FAM227B: variants seen among roughly 807,000 people sequenced by gnomAD.
FAM227B encodes the protein family with sequence similarity 227 member B.
In FAM227B, 88 loss-of-function variants were observed where a neutral mutation model predicts 73.8. The ratio of observed to expected loss-of-function variants is 1.19; its 90% CI spans 1.00 to 1.42. FAM227B has a LOEUF of 1.42. Among genes scored for constraint, FAM227B ranks in the 40% most tolerant of loss-of-function variants. The probability of loss-of-function intolerance (pLI) is 0.00; values close to 1 mark genes in which losing one functional copy is unlikely to be tolerated. For missense variants in FAM227B, 632 were observed against 590.9 expected, an observed-to-expected ratio of 1.07 and a Z score of -0.72; for synonymous variants, 210 against 190.5, an observed-to-expected ratio of 1.10 and a Z score of -0.84.
chr15:49,376,349 C>A (rs1223274236), intron 11 of FAM227B, among the ~76,000 whole-genome samples: 2 of 151,934 alleles, frequency 1.3e-5, no homozygotes, highest in Admixed American at 1.3e-4. Flanking sequence ...GTGAATACCC[C>A]AGTTGTCACA....
At chr15:49,399,846 A>G (rs2047996493) in intron 11 of FAM227B, among the ~76,000 whole-genome samples, 1 of 100,996 alleles carries the variant, frequency 9.9e-6, no homozygotes, top group African/African-American at 3.3e-5. Flanking sequence ...GATGGGACGT[A>G]TTTCAAAATA....
At chr15:49,347,273 G>T (rs1221359799) in intron 13 of FAM227B, among the ~76,000 whole-genome samples, 1 of 152,106 alleles carries the variant, frequency 6.6e-6, no homozygotes, top group Non-Finnish European at 1.5e-5. Flanking sequence ...TTGCCCTTAA[G>T]AAATTAGTAA....
At chr15:49,533,293 A>T (rs2060754583) in intron 10 of FAM227B, among the ~76,000 whole-genome samples, 1 of 151,984 alleles carries the variant, frequency 6.6e-6, no homozygotes, top group African/African-American at 2.4e-5. Context: ...GTGGCCCAAC[A>T]TATGATCTAT....
At chr15:49,543,417 C>T (rs997154780) in intron 9 of FAM227B, among the ~76,000 whole-genome samples, 9 of 152,066 alleles carry the variant, frequency 5.9e-5, no homozygotes, top group African/African-American at 2.2e-4. Context: ...AGTCCTTTGT[C>T]GGATGCATAG....
intron 11 of FAM227B, among the ~76,000 whole-genome samples, chr15:49,422,180 GCA>G (rs1277992181): frequency 3.9e-4 from 51 of 131,346 alleles, no homozygotes; most frequent in Middle Eastern, 4.4e-3. Context: ...GCGCGCGCGT[GCA>G]CGCGTGTGTG....
chr15:49,516,243 T>TC (rs1381864654), intron 10 of FAM227B, among the ~76,000 whole-genome samples: 1 of 152,152 alleles, frequency 6.6e-6, no homozygotes, highest in Non-Finnish European at 1.5e-5. Context: ...TGTCACACTA[T>TC]CCCTAAGCTT....
chr15:49,431,792 GT>G (rs1435081832), intron 11 of FAM227B, among the ~76,000 whole-genome samples: 1 of 151,692 alleles, frequency 6.6e-6, no homozygotes, highest in Non-Finnish European at 1.5e-5. Flanking sequence ...ATGAAGCAAA[GT>G]TTCTCATAAA....
At chr15:49,423,123 T>A (rs2049829396) in intron 11 of FAM227B, 1 of 162,660 alleles carries the variant, frequency 6.1e-6, no homozygotes, top group African/African-American at 2.4e-5. Flanking sequence ...CATTGAATAC[T>A]ATACAAGCCT....
At chr15:49,381,123 A>G (rs766272116) in intron 11 of FAM227B, among the ~76,000 whole-genome samples, 1 of 152,154 alleles carries the variant, frequency 6.6e-6, no homozygotes, top group African/African-American at 2.4e-5. Context: ...ACAGGAACTC[A>G]GAGCAACAGC....
rs147090867 is a variant in FAM227B at position 49,506,767 on chromosome 15, A to T, written c.1012+1444T>A. ...TTAGAAAATTTTTAATTAAGTGATA[A>T]AATACAACATATCTAAATACAACAC... is the stretch of plus-strand genomic sequence containing the variant. On this transcript the variant is annotated intron_variant, in intron 11 of 15. Transcript: ENST00000299338. 8.5e-4 allele frequency among the ~76,000 whole-genome samples: 129 copies of T among 152,186 alleles called. 2 individuals carry two copies. The East Asian group carries it at 0.022, about 26-fold the overall frequency.
intron 10 of FAM227B, among the ~76,000 whole-genome samples, chr15:49,510,126 T>G (rs2058878212): frequency 1.3e-5 from 2 of 152,134 alleles, no homozygotes; most frequent in South Asian, 2.1e-4. Flanking sequence ...GGCATTCTAT[T>G]GACGTCCAAC....
chr15:49,426,001 TATC>T (rs939039642), intron 11 of FAM227B, among the ~76,000 whole-genome samples: 1 of 151,512 alleles, frequency 6.6e-6, no homozygotes, highest in African/African-American at 2.4e-5. Flanking sequence ...TCATGGATAA[TATC>T]ATGGATATAA....
At chr15:49,559,689 C>A (rs1254190549) in intron 9 of FAM227B, among the ~76,000 whole-genome samples, 1 of 152,020 alleles carries the variant, frequency 6.6e-6, no homozygotes, top group Non-Finnish European at 1.5e-5. Flanking sequence ...GTAATCCCAG[C>A]ACTTTGGGAG....
chr15:49,599,689 G>A (rs1396161799), intron 3 of FAM227B, among the ~76,000 whole-genome samples: 1 of 151,916 alleles, frequency 6.6e-6, no homozygotes, highest in Non-Finnish European at 1.5e-5. Flanking sequence ...TGACCTACTG[G>A]CTATTCAAGA....
chr15:49,351,899 T>C (rs2042308931), intron 13 of FAM227B, among the ~76,000 whole-genome samples: 1 of 152,200 alleles, frequency 6.6e-6, no homozygotes, highest in Non-Finnish European at 1.5e-5. Context: ...TATTGCTATA[T>C]AACAAACAAC....
At position 49,428,706 on chromosome 15, in the gene FAM227B, C is replaced by T. The variant is rs567867598; in HGVS notation, c.1013-57307G>A. Reference sequence around the variant, plus strand: ...TTTTCATGCTTTTGGTATCCAATTACTAAAAAGTTGTGCTCTTCCCAATAA... The same window carrying T: ...TTTTCATGCTTTTGGTATCCAATTATTAAAAAGTTGTGCTCTTCCCAATAA... On this transcript the variant is annotated intron_variant, in intron 11 of 15. Transcript: ENST00000299338. 2.0e-5 allele frequency among the ~76,000 whole-genome samples: 3 copies of T among 152,110 alleles called. No homozygotes were observed. The East Asian group carries it at 5.8e-4, about 30-fold the overall frequency.
At chr15:49,504,462 A>G (rs2058418629) in intron 11 of FAM227B, among the ~76,000 whole-genome samples, 1 of 152,132 alleles carries the variant, frequency 6.6e-6, no homozygotes, top group Non-Finnish European at 1.5e-5. Context: ...ATTGTTCATA[A>G]CTTTGTTACT....
At chr15:49,591,484 C>CTTTTTTTTT (rs71120696) in intron 3 of FAM227B, among the ~76,000 whole-genome samples, 3 of 55,346 alleles carry the variant, frequency 5.4e-5, no homozygotes, top group Admixed American at 2.7e-4. Context: ...CCCTTCCTTC[C>CTTTTTTTTT]TTTTTTTTTT....
intron 11 of FAM227B, among the ~76,000 whole-genome samples, chr15:49,422,177 C>CACGCGT (rs2049733588): frequency 8.2e-6 from 1 of 122,322 alleles, no homozygotes; most frequent in African/African-American, 2.8e-5. Flanking sequence ...CGCGCGCGCG[C>CACGCGT]GTGCACGCGT....
Sources: allele counts gnomAD v4.1 joint callset (sites outside exome capture counted in the v4.1 genomes callset), GRCh38; gene constraint gnomAD v4.1.1; transcripts MANE v1.5; gene names NCBI Gene and HGNC (gene_info 2026-07-23, HGNC 2026-07-21).